The following PEBP4 variants were observed in gnomAD, a reference collection of about 807,000 sequenced individuals.
PEBP4 encodes the protein phosphatidylethanolamine binding protein 4, also known as phosphatidylethanolamine-binding protein 4.
In PEBP4, 22 loss-of-function variants were observed where a neutral mutation model predicts 23.9. The ratio of observed to expected loss-of-function variants is 0.92; its 90% CI spans 0.66 to 1.31. The LOEUF is 1.31. PEBP4 is among the 40% of genes most tolerant of loss of function. PEBP4 has a pLI of 0.00. For missense variants in PEBP4, 324 were observed against 281.7 expected (o/e 1.15, Z -1.07); for synonymous variants, 112 against 99.3 (o/e 1.13, Z -0.76).
intron 4 of PEBP4, among the ~76,000 whole-genome samples, chr8:22,768,709 G>C (rs1424693867): frequency 6.6e-6 from 1 of 152,092 alleles, no homozygotes; most frequent in Non-Finnish European, 1.5e-5. Context: ...AGGAGGTAGG[G>C]GGTGGGTCAG....
intron 4 of PEBP4, among the ~76,000 whole-genome samples, chr8:22,753,938 A>G (rs1380462518): frequency 6.6e-6 from 1 of 152,118 alleles, no homozygotes; most frequent in Non-Finnish European, 1.5e-5. Flanking sequence ...CTGATTCTAC[A>G]TGTTTGATAG....
chr8:22,812,329 T>C (rs905881775), intron 4 of PEBP4, among the ~76,000 whole-genome samples: 2 of 152,244 alleles, frequency 1.3e-5, no homozygotes, highest in African/African-American at 4.8e-5. Flanking sequence ...CCTTCCCACC[T>C]GGAAGCGGCA....
At chr8:22,921,367 C>T (rs1039254793) in intron 2 of PEBP4, among the ~76,000 whole-genome samples, 1 of 152,194 alleles carries the variant, frequency 6.6e-6, no homozygotes, top group Non-Finnish European at 1.5e-5. Context: ...CCACAGCGGT[C>T]CACAGTGCCT....
At chr8:22,856,482 C>T (rs760967084) in intron 3 of PEBP4, among the ~76,000 whole-genome samples, 1 of 152,074 alleles carries the variant, frequency 6.6e-6, no homozygotes, top group East Asian at 1.9e-4. Flanking sequence ...TTTGGGAGGC[C>T]GAGGCAGGCG....
chr8:22,823,807 TAACTC>T (rs764878356), intron 3 of PEBP4, among the ~76,000 whole-genome samples: 9 of 152,236 alleles, frequency 5.9e-5, no homozygotes, highest in Non-Finnish European at 1.0e-4. Context: ...AAAAGACTAA[TAACTC>T]AATAGAAAAA....
At chr8:22,913,321 G>A (rs1044389317) in intron 3 of PEBP4, among the ~76,000 whole-genome samples, 1 of 152,140 alleles carries the variant, frequency 6.6e-6, no homozygotes, top group Non-Finnish European at 1.5e-5. Flanking sequence ...CCCAGCAGTG[G>A]AGCCTGGTGA....
intron 3 of PEBP4, among the ~76,000 whole-genome samples, chr8:22,864,313 C>G (rs751215830): frequency 6.6e-5 from 10 of 152,174 alleles, no homozygotes; most frequent in Admixed American, 3.9e-4. Flanking sequence ...ATAACATTCT[C>G]GGCAGAAACA....
intron 4 of PEBP4, among the ~76,000 whole-genome samples, chr8:22,772,321 G>A (rs1484037502): frequency 6.6e-6 from 1 of 152,222 alleles, no homozygotes; most frequent in Admixed American, 6.5e-5. Flanking sequence ...ACTTTGGGCT[G>A]AGATAATTCT....
intron 6 of PEBP4, among the ~76,000 whole-genome samples, chr8:22,716,004 G>A (rs555812858): frequency 1.3e-5 from 2 of 152,134 alleles, no homozygotes; most frequent in Non-Finnish European, 2.9e-5. Context: ...TGCTGTCTGT[G>A]CTTGGGCCAC....
rs111626905 is a variant in PEBP4 at position 22,830,304 on chromosome 8, G to T, written c.259-12569C>A. On this transcript the variant is annotated intron_variant, in intron 3 of 6. Transcript: ENST00000256404. ...ACCACCACGCCTGGCTAATTTTTGT[G>T]TGTGTGTGTGTGTGTATTTTAGTAG... Among the ~76,000 whole-genome samples, 1,206 of 151,972 alleles carry T rather than the reference G, an allele frequency of 7.9e-3. 17 individuals are homozygous for T. The highest frequency in any genetic ancestry group is 0.027 in the African/African-American group (1,137 of 41,420).
intron 6 of PEBP4, among the ~76,000 whole-genome samples, chr8:22,721,365 T>C (rs1804514941): frequency 6.6e-6 from 1 of 152,154 alleles, no homozygotes; most frequent in Admixed American, 6.5e-5. Flanking sequence ...TCTCATTTGC[T>C]GACCACATGT....
chr8:22,840,535 C>A (rs1267424585), intron 3 of PEBP4, among the ~76,000 whole-genome samples: 7 of 151,908 alleles, frequency 4.6e-5, no homozygotes, highest in Non-Finnish European at 8.8e-5. Context: ...AGCCACCGTG[C>A]CCAGCCTTGG....
intron 2 of PEBP4, among the ~76,000 whole-genome samples, chr8:22,922,381 T>G (rs1809222692): frequency 6.8e-6 from 1 of 146,024 alleles, no homozygotes; most frequent in South Asian, 2.2e-4. Flanking sequence ...TGGACAAACC[T>G]GAGGTGAGCT....
At chr8:22,909,734 T>G (rs1380028276) in intron 3 of PEBP4, among the ~76,000 whole-genome samples, 1 of 152,200 alleles carries the variant, frequency 6.6e-6, no homozygotes, top group African/African-American at 2.4e-5. Flanking sequence ...CCTGACTCTG[T>G]TGCTCATGAG....
At chr8:22,880,362 T>C (rs986754720) in intron 3 of PEBP4, 1 of 152,156 alleles carries the variant, frequency 6.6e-6, no homozygotes, top group Non-Finnish European at 1.5e-5. Context: ...CTCAAAGGGC[T>C]CTATAAATGT....
Position 22,865,459 on chromosome 8 carries a change from G to A in PEBP4, c.259-47724C>T, listed in dbSNP as rs899894269. Among the ~76,000 whole-genome samples the A allele has an allele frequency of 5.3e-5, 8 of 151,712 alleles. No homozygotes were observed. The highest frequency in any genetic ancestry group is 2.1e-4 in the South Asian group (1 of 4,778). ...GTTGGGCGGGGGCCGCACTTTCCCC[G>A]CCGCGAGGTGGAGCGCGCCACCGCC... On this transcript the variant is annotated intron_variant, in intron 3 of 6. Coordinates refer to ENST00000256404, the MANE Select transcript of PEBP4 (RefSeq NM_144962.3). The surrounding 1 kb of genome is among the most constrained non-coding windows in gnomAD (Gnocchi z 6.9).
chr8:22,725,005 G>A (rs762226190), intron 5 of PEBP4, 49 bp from the exon 6 acceptor site: 12 of 1,487,672 alleles, frequency 8.1e-6, no homozygotes, highest in South Asian at 2.3e-5. Flanking sequence ...CCATACTACC[G>A]AGGGCAGAGC....
rs1478672932 is a variant in PEBP4, at chr8:22,894,976, AG to A, written c.258+25207del. On this transcript the variant is annotated intron_variant, in intron 3 of 6. Transcript: ENST00000256404. Reference sequence around the variant, plus strand: ...CCCCTGGCTGCTCCTGACCTATTCTAGAATCAGATTTCAGCATGGCCAAGGG... The same window carrying A: ...CCCCTGGCTGCTCCTGACCTATTCTAAATCAGATTTCAGCATGGCCAAGGG... Among the ~76,000 whole-genome samples, 5 of 152,350 alleles carry A rather than the reference AG, an allele frequency of 3.3e-5. No homozygotes were observed. In the East Asian group the frequency reaches 9.7e-4, roughly 29 times the overall value.
intron 4 of PEBP4, among the ~76,000 whole-genome samples, chr8:22,738,458 C>T (rs1212658045): frequency 3.3e-5 from 5 of 152,134 alleles, no homozygotes; most frequent in African/African-American, 9.7e-5. Context: ...AGAAACTGCT[C>T]GGTGATGGGA....
Sources: allele counts gnomAD v4.1 joint callset (sites outside exome capture counted in the v4.1 genomes callset), GRCh38; gene constraint gnomAD v4.1.1; non-coding constraint Gnocchi (gnomAD v3.1); transcripts MANE v1.5; gene names NCBI Gene and HGNC (gene_info 2026-07-23, HGNC 2026-07-21).